Variants in GLOD5 observed in about 807,000 individuals in gnomAD.
The protein encoded by GLOD5 is glyoxalase domain containing 5.
Under a neutral mutation model 9.9 loss-of-function variants are expected in GLOD5, and 7 were observed. That is an observed-to-expected ratio of 0.71 (90% CI 0.40 to 1.33). The LOEUF (loss-of-function observed/expected upper bound fraction) is 1.33, where lower values mean the gene tolerates loss of function less well. Ranked by LOEUF, GLOD5 falls within the 40% of genes most tolerant of loss-of-function variation. The pLI, the probability that GLOD5 is intolerant of heterozygous loss-of-function variation, is 0.01. For synonymous variants in GLOD5, 49 were observed against 47.3 expected (o/e 1.04, Z -0.14); for missense variants, 146 against 128.4 (o/e 1.14, Z -0.66).
At chrX:48,772,416 T>C (rs1557017514) in intron 3 of GLOD5, among the ~76,000 whole-genome samples, 3 of 110,653 alleles carry the variant, frequency 2.7e-5, no homozygotes, top group Non-Finnish European at 3.8e-5. Context: ...GGTGTGTGCC[T>C]GTAGTCTCAG....
intron 3 of GLOD5, among the ~76,000 whole-genome samples, chrX:48,773,011 G>A (rs1177536389): frequency 2.7e-5 from 3 of 110,451 alleles, no homozygotes; most frequent in East Asian, 5.7e-4. Flanking sequence ...TGAGGCGGGC[G>A]GATCACTTGA....
intron 3 of GLOD5, among the ~76,000 whole-genome samples, chrX:48,772,586 G>A (rs781924140): frequency 2.7e-5 from 3 of 110,758 alleles, no homozygotes; most frequent in Non-Finnish European, 5.7e-5. Flanking sequence ...TGCAGAACAC[G>A]GATTGAGGTC....
intron 1 of GLOD5, among the ~76,000 whole-genome samples, chrX:48,763,516 C>G (rs1602204979): frequency 9.5e-6 from 1 of 105,190 alleles, no homozygotes; most frequent in African/African-American, 3.5e-5. Context: ...CTCACCTCTA[C>G]AAAAAAAAAG....
chrX:48,765,720 A>AG (rs1557016594), intron 1 of GLOD5, 115 bp from the exon 2 acceptor site: 3 of 827,269 alleles, frequency 3.6e-6, no homozygotes, highest in Non-Finnish European at 5.4e-6. Flanking sequence ...TTCCCCTTGA[A>AG]GGGGGGTGAG....
intron 3 of GLOD5, among the ~76,000 whole-genome samples, chrX:48,773,006 C>T (rs782515712): frequency 1.0e-4 from 11 of 110,226 alleles, no homozygotes; most frequent in East Asian, 8.6e-4. Context: ...GAGGCTGAGG[C>T]GGGCGGATCA....
At chrX:48,765,525 G>A (rs2062606394) in intron 1 of GLOD5, 1 of 286,609 alleles carries the variant, frequency 3.5e-6, no homozygotes, top group Non-Finnish European at 6.4e-6. Context: ...TTGCAGTGAG[G>A]TGAGATTGTG....
At chrX:48,768,980 A>G (rs1268161987) in intron 2 of GLOD5, among the ~76,000 whole-genome samples, 2 of 107,131 alleles carry the variant, frequency 1.9e-5, no homozygotes, top group African/African-American at 6.8e-5. Flanking sequence ...CAGTGAGCTG[A>G]GATCTCGCCA....
Position 48,770,942 on chromosome X carries a change from CTG to C in GLOD5, c.221_222del (p.Cys74PhefsTer7), listed in dbSNP as rs2062620696. 8.4e-7 allele frequency: 1 copy of C among 1,188,824 alleles called. No individual in the cohort carries two copies. Among genetic ancestry groups the C allele is most frequent in the African/African-American group, 1.8e-5 (1 of 56,014 alleles). On this transcript the variant is annotated frameshift_variant, in exon 3 of 4. Transcript: ENST00000303227. LOFTEE classifies it high-confidence loss of function. ...CACCAAGTAGGAAGACCGGAAAGCACTGTGTTTTGGAGACCAGAAATTTAACC... is the reference window on the plus strand; with the variant it reads ...CACCAAGTAGGAAGACCGGAAAGCACTGTTTTGGAGACCAGAAATTTAACC... ...VMTFKEDRKA[L>X]CFGDQKFNLH...
rs782098047 is a variant in GLOD5, at chrX:48,770,933, C to T, written c.208C>T (p.Arg70Trp). Residue 70 changes from arginine to tryptophan, a missense_variant, in exon 3 of 4, where the codon CGG (arginine) becomes TGG (tryptophan). Coordinates refer to ENST00000303227, the MANE Select transcript of GLOD5 (RefSeq NM_001080489.3). ...GCCCCTCCCCACCAAGTAGGAAGAC[C>T]GGAAAGCACTGTGTTTTGGAGACCA... is the stretch of plus-strand genomic sequence containing the variant. ...GMEVMTFKED[R>W]KALCFGDQKF... 84 of 1,179,412 alleles carry T rather than the reference C, an allele frequency of 7.1e-5. No homozygotes were observed. Among genetic ancestry groups the T allele is most frequent in the Non-Finnish European group, 9.3e-5 (82 of 881,618 alleles).
Position 48,765,825 on chromosome X carries a change from C to CT in GLOD5, c.64-3dup. 1 of 1,173,757 alleles carries CT rather than the reference C, an allele frequency of 8.5e-7. No homozygotes were observed. Among genetic ancestry groups the CT allele is most frequent in the Non-Finnish European group, 1.1e-6 (1 of 878,754 alleles). On this transcript the variant is annotated splice_polypyrimidine_tract_variant and intron_variant, in intron 1 of 3. Coordinates refer to ENST00000303227, the MANE Select transcript of GLOD5 (RefSeq NM_001080489.3). ...ATGTGGTCTCTTCTGACTTTTTTTT[C>CT]TTTTTTTAGTCATGGAGGGACAGCA...
At chrX:48,771,850 AAAG>A (rs2062623137) in intron 3 of GLOD5, among the ~76,000 whole-genome samples, 1 of 111,973 alleles carries the variant, frequency 8.9e-6, no homozygotes, top group South Asian at 3.7e-4. Flanking sequence ...CTATGTGTAA[AAAG>A]AAGGACTGAA....
chrX:48,769,194 T>C (rs1557017037), intron 2 of GLOD5, among the ~76,000 whole-genome samples: 2 of 109,358 alleles, frequency 1.8e-5, no homozygotes. Context: ...TGAGTTAATC[T>C]GTAGTTGATC....
chrX:48,765,012 C>T (rs925874115), intron 1 of GLOD5, among the ~76,000 whole-genome samples: 6 of 110,876 alleles, frequency 5.4e-5, no homozygotes, highest in African/African-American at 2.0e-4. Context: ...AGTGGTCCTC[C>T]CTCTGGGTGT....
chrX:48,767,167 A>C (rs1394619918), intron 2 of GLOD5, among the ~76,000 whole-genome samples: 1 of 106,232 alleles, frequency 9.4e-6, no homozygotes, highest in Non-Finnish European at 1.9e-5. Flanking sequence ...AGGGGAAAAA[A>C]AAGAGGTTTC....
At chrX:48,767,929 A>G (rs1378954894) in intron 2 of GLOD5, among the ~76,000 whole-genome samples, 1 of 111,293 alleles carries the variant, frequency 9.0e-6, no homozygotes, top group Non-Finnish European at 1.9e-5. Flanking sequence ...ACACACACAT[A>G]TAACTTAAAT....
chrX:48,771,910 A>C (rs1317182221), intron 3 of GLOD5, among the ~76,000 whole-genome samples: 2 of 111,577 alleles, frequency 1.8e-5, no homozygotes, highest in Non-Finnish European at 3.8e-5. Flanking sequence ...TATTTAATCC[A>C]GTGTCTCTGT....
rs1557017296 is a variant in GLOD5, at chrX:48,770,947, T to G, written c.222T>G (p.Cys74Trp). 8.3e-7 allele frequency: 1 copy of G among 1,197,991 alleles called. No individual in the cohort carries two copies. The highest frequency in any genetic ancestry group is 1.1e-6 in the Non-Finnish European group (1 of 889,283). Residue 74 changes from cysteine to tryptophan, a missense_variant, in exon 3 of 4, where the codon TGT (cysteine) becomes TGG (tryptophan). Coordinates refer to ENST00000303227, the MANE Select transcript of GLOD5 (RefSeq NM_001080489.3). ...MTFKEDRKALCFGDQKFNLHE... is the reference protein window; with the variant it reads ...MTFKEDRKALWFGDQKFNLHE... ...AGTAGGAAGACCGGAAAGCACTGTG[T>G]TTTGGAGACCAGAAATTTAACCTCC...
At chrX:48,763,308 C>T (rs1401557939) in intron 1 of GLOD5, among the ~76,000 whole-genome samples, 2 of 111,806 alleles carry the variant, frequency 1.8e-5, no homozygotes, top group Non-Finnish European at 3.8e-5. Flanking sequence ...TATTTTCTCT[C>T]GAGAAATTAA....
rs143893781 is a variant in GLOD5, at chrX:48,763,004, T to C, written c.63+1151T>C. Among the ~76,000 whole-genome samples the C allele has an allele frequency of 2.4e-3, 265 of 112,015 alleles. 1 individual carries two copies. The highest frequency in any genetic ancestry group is 8.3e-3 in the African/African-American group (256 of 30,830). On this transcript the variant is annotated intron_variant, in intron 1 of 3. Coordinates refer to ENST00000303227, the MANE Select transcript of GLOD5 (RefSeq NM_001080489.3). ...GGGAAGAATAGAATAATGGGAGGAA[T>C]AGGTGGAGTTTATTTCTAACAGACT... is the stretch of plus-strand genomic sequence containing the variant.
Sources: allele counts gnomAD v4.1 joint callset (sites outside exome capture counted in the v4.1 genomes callset), GRCh38; gene constraint gnomAD v4.1.1; transcripts MANE v1.5; gene names NCBI Gene and HGNC (gene_info 2026-07-23, HGNC 2026-07-21).